The following EPDR1 variants were observed in gnomAD, a reference collection of about 807,000 sequenced individuals.
EPDR1 encodes mammalian ependymin-related protein 1.
EPDR1 carries 27 observed loss-of-function variants against 23.7 expected under a neutral mutation model. The ratio of observed to expected loss-of-function variants is 1.14; its 90% CI spans 0.84 to 1.57. The LOEUF is 1.57. Ranked by LOEUF, EPDR1 falls within the 40% of genes most tolerant of loss-of-function variation. EPDR1 has a pLI of 0.00. For missense variants in EPDR1, 349 were observed against 290.4 expected (o/e 1.20, Z -1.47); for synonymous variants, 137 against 118.2 (o/e 1.16, Z -1.03).
intron 1 of EPDR1, among the ~76,000 whole-genome samples, chr7:37,932,061 T>C (rs1464975523): frequency 6.6e-6 from 1 of 152,158 alleles, no homozygotes; most frequent in Non-Finnish European, 1.5e-5. Context: ...TTTTGTTGGT[T>C]CCTTACAGAA....
rs188432717 is a variant in EPDR1 at position 37,941,844 on chromosome 7, C to T, written c.270-6996C>T. On this transcript the variant is annotated intron_variant, in intron 1 of 2. Coordinates refer to ENST00000199448, the MANE Select transcript of EPDR1 (RefSeq NM_017549.5). ...TGAATTTTTATTTCTAAGATACAGT[C>T]CTATTGTGACCATGTGGCAGAAGCT... Among the ~76,000 whole-genome samples, 3 of 152,128 alleles carry T rather than the reference C, an allele frequency of 2.0e-5. No individual in the cohort carries two copies. In the East Asian group the frequency reaches 5.8e-4, roughly 29 times the overall value.
chr7:37,944,438 T>C (rs1786232436), intron 1 of EPDR1, among the ~76,000 whole-genome samples: 1 of 152,198 alleles, frequency 6.6e-6, no homozygotes, highest in Non-Finnish European at 1.5e-5. Flanking sequence ...GAATGACATG[T>C]ATGACAAATA....
chr7:37,931,361 A>T (rs1785934561), intron 1 of EPDR1, among the ~76,000 whole-genome samples: 1 of 151,976 alleles, frequency 6.6e-6, no homozygotes. Flanking sequence ...TAAAAATACA[A>T]AAATTAGCCA....
intron 2 of EPDR1, 78 bp from the exon 3 acceptor site, chr7:37,950,122 C>T (rs1278696585): frequency 3.7e-6 from 4 of 1,090,288 alleles, no homozygotes; most frequent in Admixed American, 2.5e-5. Context: ...ATGTTATGTA[C>T]ATTTTACCAC....
At chr7:37,928,392 C>A (rs1429464742) in intron 1 of EPDR1, among the ~76,000 whole-genome samples, 1 of 138,608 alleles carries the variant, frequency 7.2e-6, no homozygotes, top group Non-Finnish European at 1.6e-5. Flanking sequence ...TTTTACCCAT[C>A]TTTAAATAAA....
intron 1 of EPDR1, among the ~76,000 whole-genome samples, chr7:37,925,893 C>T (rs761802690): frequency 3.0e-4 from 46 of 152,208 alleles, no homozygotes; most frequent in Non-Finnish European, 5.7e-4. Flanking sequence ...AATTTTTTCT[C>T]AATCTGTCCC....
intron 1 of EPDR1, among the ~76,000 whole-genome samples, chr7:37,927,866 A>G (rs1785849954): frequency 6.6e-6 from 1 of 152,180 alleles, no homozygotes; most frequent in South Asian, 2.1e-4. Context: ...GAGCTGAGGA[A>G]GTCTTGACTG....
chr7:37,924,941 A>G (rs1054408514), intron 1 of EPDR1, among the ~76,000 whole-genome samples: 1 of 152,204 alleles, frequency 6.6e-6, no homozygotes, highest in African/African-American at 2.4e-5. Context: ...TTCATTTTGC[A>G]TCCAGATAGT....
intron 1 of EPDR1, among the ~76,000 whole-genome samples, chr7:37,934,304 G>A (rs558766218): frequency 2.0e-5 from 3 of 152,288 alleles, no homozygotes; most frequent in East Asian, 1.9e-4. Context: ...ATGATGGCTC[G>A]TAGTTCCAAG....
At chr7:37,947,444 C>T (rs544681795) in intron 1 of EPDR1, among the ~76,000 whole-genome samples, 31 of 152,202 alleles carry the variant, frequency 2.0e-4, no homozygotes, top group Non-Finnish European at 3.8e-4. Flanking sequence ...TGAAGTGACG[C>T]ACGACTGTGT....
chr7:37,926,713 C>T (rs1195758713), intron 1 of EPDR1: 2 of 453,254 alleles, frequency 4.4e-6, no homozygotes, highest in African/African-American at 4.0e-5. Flanking sequence ...ATACTCTGTT[C>T]CAATTGCATC....
At chr7:37,930,233 A>G (rs1785907259) in intron 1 of EPDR1, among the ~76,000 whole-genome samples, 1 of 152,198 alleles carries the variant, frequency 6.6e-6, no homozygotes, top group Admixed American at 6.5e-5. Flanking sequence ...GAGGCACCAG[A>G]GTCACAGCCC....
chr7:37,933,253 A>G (rs538757686), intron 1 of EPDR1, among the ~76,000 whole-genome samples: 16 of 152,380 alleles, frequency 1.1e-4, no homozygotes, highest in African/African-American at 3.8e-4. Flanking sequence ...TGCGTATTAA[A>G]CAAATCCAAA....
At chr7:37,930,674 T>G (rs1785918833) in intron 1 of EPDR1, among the ~76,000 whole-genome samples, 1 of 152,256 alleles carries the variant, frequency 6.6e-6, no homozygotes, top group East Asian at 1.9e-4. Flanking sequence ...GTCTCAACTC[T>G]CCTTAAGGAG....
Position 37,921,000 on chromosome 7 carries a change from G to A in EPDR1, c.61G>A (p.Gly21Ser), listed in dbSNP as rs1287106412. The A allele has an allele frequency of 3.9e-6, 6 of 1,525,842 alleles. No homozygotes were observed. The highest frequency in any genetic ancestry group is 5.3e-6 in the Non-Finnish European group (6 of 1,140,780). 94.5% of individuals were successfully genotyped at this position (1,525,842 alleles called of 1,614,324 possible). A position where few individuals can be genotyped will look rare whatever the true frequency, so the allele number is the denominator to read the frequency against. The change falls in exon 1 of 3, where the codon GGC (glycine) becomes AGC (serine). Residue 21 changes from glycine (G) to serine (S), a missense_variant. Coordinates refer to ENST00000199448, the MANE Select transcript of EPDR1 (RefSeq NM_017549.5). ...CGCCCTGGGTGCCTGGCTGCTGGGC[G>A]GCCTCTGGGCCTGGACCCTGTGCGG... ...PGALGAWLLG[G>S]LWAWTLCGLC...
chr7:37,934,000 G>A (rs188689993), intron 1 of EPDR1, among the ~76,000 whole-genome samples: 2,553 of 143,320 alleles, frequency 0.018, 40 homozygotes, highest in Non-Finnish European at 0.018. Flanking sequence ...TTTTTGAGAC[G>A]GAGTCTCGCT....
chr7:37,928,195 C>T (rs889504772), intron 1 of EPDR1, among the ~76,000 whole-genome samples: 1 of 152,186 alleles, frequency 6.6e-6, no homozygotes, highest in Non-Finnish European at 1.5e-5. Context: ...TCTTTACTTT[C>T]TCCAATAACC....
In EPDR1 at chr7:37,921,073, C is replaced by G; in HGVS notation, c.134C>G (p.Pro45Arg). Residue 45 changes from proline to arginine, a missense_variant, in exon 1 of 3, where the codon CCG (proline) becomes CGG (arginine). Coordinates refer to ENST00000199448, the MANE Select transcript of EPDR1 (RefSeq NM_017549.5). ...AVGAPRPCQAPQQWEGRQVMY... is the reference protein window; with the variant it reads ...AVGAPRPCQARQQWEGRQVMY... ...GGAGCCCCGCGCCCGTGCCAGGCGCCGCAGCAGTGGGAGGGGCGCCAGGTT... is the reference window on the plus strand; with the variant it reads ...GGAGCCCCGCGCCCGTGCCAGGCGCGGCAGCAGTGGGAGGGGCGCCAGGTT... 6.4e-6 allele frequency: 10 copies of G among 1,569,138 alleles called. No individual in the cohort carries two copies. The highest frequency in any genetic ancestry group is 8.6e-6 in the Non-Finnish European group (10 of 1,163,892).
At chr7:37,927,525 C>A (rs1228712776) in intron 1 of EPDR1, among the ~76,000 whole-genome samples, 1 of 152,200 alleles carries the variant, frequency 6.6e-6, no homozygotes, top group Non-Finnish European at 1.5e-5. Flanking sequence ...ATGTAGAAGC[C>A]TATCTTCCTT....
Sources: allele counts gnomAD v4.1 joint callset (sites outside exome capture counted in the v4.1 genomes callset), GRCh38; gene constraint gnomAD v4.1.1; transcripts MANE v1.5; gene names NCBI Gene and HGNC (gene_info 2026-07-23, HGNC 2026-07-21).